The following TMTC2 variants were observed in gnomAD, a reference collection of about 807,000 sequenced individuals.
TMTC2 encodes the protein transmembrane O-mannosyltransferase targeting cadherins 2, also known as protein O-mannosyl-transferase TMTC2.
A neutral mutation model predicts 82.4 loss-of-function variants in TMTC2; 43 were observed. That is an observed-to-expected ratio of 0.52 (90% CI 0.41 to 0.67). TMTC2 has a LOEUF of 0.67. Ranked by LOEUF, TMTC2 falls within the 30% of genes least tolerant of loss-of-function variation. The pLI, the probability that TMTC2 is intolerant of heterozygous loss-of-function variation, is 0.00. For synonymous variants in TMTC2, 408 were observed against 381.9 expected, an observed-to-expected ratio of 1.07 and a Z score of -0.80; for missense variants, 919 against 1,012.4, an observed-to-expected ratio of 0.91 and a Z score of 1.25.
chr12:83,124,588 A>G (rs1268114761), intron 11 of TMTC2, among the ~76,000 whole-genome samples: 1 of 150,188 alleles, frequency 6.7e-6, no homozygotes, highest in African/African-American at 2.5e-5. Context: ...TAATGAGCAG[A>G]AGTTTGTCAG....
At chr12:82,909,748 G>A (rs1022093212) in intron 3 of TMTC2, among the ~76,000 whole-genome samples, 5 of 152,042 alleles carry the variant, frequency 3.3e-5, no homozygotes, top group Non-Finnish European at 5.9e-5. Context: ...TCTGTACAAG[G>A]TGTGATTCTC....
At chr12:83,011,509 A>G (rs1156773281) in intron 8 of TMTC2, among the ~76,000 whole-genome samples, 2 of 152,160 alleles carry the variant, frequency 1.3e-5, no homozygotes, top group Admixed American at 6.5e-5. Context: ...ATTGTTATTT[A>G]TGTCTTTGTA....
At chr12:82,710,438 C>A (rs1873568851) in intron 1 of TMTC2, among the ~76,000 whole-genome samples, 1 of 152,168 alleles carries the variant, frequency 6.6e-6, no homozygotes, top group Admixed American at 6.5e-5. Context: ...ATCTGTTTTG[C>A]TTCATCCAAG....
chr12:82,922,033 A>G (rs1875425158), intron 3 of TMTC2, among the ~76,000 whole-genome samples: 1 of 152,054 alleles, frequency 6.6e-6, no homozygotes, highest in Non-Finnish European at 1.5e-5. Context: ...CTTAAGCCCA[A>G]GAGGTTGAGG....
intron 8 of TMTC2, among the ~76,000 whole-genome samples, chr12:83,024,128 G>A (rs1258867400): frequency 1.3e-5 from 2 of 152,126 alleles, no homozygotes; most frequent in Non-Finnish European, 2.9e-5. Flanking sequence ...GAAATGATGA[G>A]TATTAATACT....
At chr12:82,703,752 G>A (rs779794050) in intron 1 of TMTC2, among the ~76,000 whole-genome samples, 15 of 152,156 alleles carry the variant, frequency 9.9e-5, no homozygotes, top group Non-Finnish European at 2.1e-4. Context: ...CCCCCAAAGT[G>A]CTGGGATTAC....
At chr12:82,690,870 C>G (rs1214848633) in intron 1 of TMTC2, among the ~76,000 whole-genome samples, 2 of 152,130 alleles carry the variant, frequency 1.3e-5, no homozygotes, top group Non-Finnish European at 2.9e-5. Flanking sequence ...AGTGGTAAAA[C>G]TTCTCTGACC....
At chr12:83,003,381 A>G (rs968753300) in intron 8 of TMTC2, among the ~76,000 whole-genome samples, 5 of 149,154 alleles carry the variant, frequency 3.4e-5, no homozygotes, top group African/African-American at 1.3e-4. Flanking sequence ...TTGCCTTTCT[A>G]TGCCTCTTAC....
intron 1 of TMTC2, among the ~76,000 whole-genome samples, chr12:82,725,195 C>T (rs1874392466): frequency 6.6e-6 from 1 of 151,596 alleles, no homozygotes. Flanking sequence ...ATCCAGATAT[C>T]CAGGTTTGGA....
At chr12:82,812,553 A>T (rs896563759) in intron 1 of TMTC2, among the ~76,000 whole-genome samples, 1 of 152,144 alleles carries the variant, frequency 6.6e-6, no homozygotes, top group Non-Finnish European at 1.5e-5. Flanking sequence ...AATTTTATTA[A>T]ATTAAACTAT....
chr12:83,111,359 C>T (rs767388668), intron 11 of TMTC2, among the ~76,000 whole-genome samples: 3 of 152,204 alleles, frequency 2.0e-5, no homozygotes, highest in Non-Finnish European at 2.9e-5. Flanking sequence ...TGCAGATGTT[C>T]AGCTCTGCTT....
intron 8 of TMTC2, among the ~76,000 whole-genome samples, chr12:83,027,595 G>A (rs965732651): frequency 6.6e-6 from 1 of 152,108 alleles, no homozygotes; most frequent in East Asian, 1.9e-4. Flanking sequence ...ATTAAGTGAC[G>A]GCTTACTGTA....
At chr12:83,045,707 T>TCTCACACACACACACACACA (rs1555208196) in intron 9 of TMTC2, among the ~76,000 whole-genome samples, 8 of 122,706 alleles carry the variant, frequency 6.5e-5, no homozygotes, top group Non-Finnish European at 1.2e-4. Flanking sequence ...AAGGGCTCCT[T>TCTCACACACACACACACACA]CACACACACA....
At chr12:82,883,055 CAAAAAAAAAAAAAAAAA>C (rs66496024) in intron 2 of TMTC2, among the ~76,000 whole-genome samples, 3 of 68,258 alleles carry the variant, frequency 4.4e-5, no homozygotes, top group Non-Finnish European at 1.2e-4. Flanking sequence ...AACTTGGTCT[CAAAAAAAAAAAAAAAAA>C]AAAAAAAAAA....
intron 11 of TMTC2, among the ~76,000 whole-genome samples, chr12:83,099,668 C>T (rs545008576): frequency 2.0e-5 from 3 of 151,788 alleles, no homozygotes; most frequent in East Asian, 3.9e-4. Flanking sequence ...TCTCTAAGGC[C>T]TATTCTTGTT....
At chr12:83,042,953 G>A (rs1253101081) in intron 9 of TMTC2, among the ~76,000 whole-genome samples, 1 of 152,076 alleles carries the variant, frequency 6.6e-6, no homozygotes, top group Admixed American at 6.6e-5. Context: ...TCTTTTCCTT[G>A]TTCACCAGCC....
At chr12:82,801,455 G>A (rs1463081071) in intron 1 of TMTC2, among the ~76,000 whole-genome samples, 1 of 152,086 alleles carries the variant, frequency 6.6e-6, no homozygotes, top group African/African-American at 2.4e-5. Flanking sequence ...TGCAGGCTTG[G>A]GCAGCCTGCT....
intron 1 of TMTC2, among the ~76,000 whole-genome samples, chr12:82,753,643 A>T (rs549366427): frequency 4.4e-4 from 67 of 152,308 alleles, no homozygotes; most frequent in Admixed American, 1.0e-3. Flanking sequence ...TTCAAAGAAG[A>T]TATGAGAAGT....
chr12:82,997,272 T>C (rs1347914086), intron 8 of TMTC2, among the ~76,000 whole-genome samples: 5 of 135,666 alleles, frequency 3.7e-5, no homozygotes, highest in Non-Finnish European at 7.8e-5. Flanking sequence ...TTTATATAGG[T>C]GTATATAACT....
Sources: allele counts gnomAD v4.1 joint callset (sites outside exome capture counted in the v4.1 genomes callset), GRCh38; gene constraint gnomAD v4.1.1; transcripts MANE v1.5; gene names NCBI Gene and HGNC (gene_info 2026-07-23, HGNC 2026-07-21).